The following RNGTT variants were observed in gnomAD, a reference collection of about 807,000 sequenced individuals.
RNGTT encodes the protein RNA guanylyltransferase and 5'-phosphatase.
Under a neutral mutation model 79.3 loss-of-function variants are expected in RNGTT, and 33 were observed. The observed-to-expected ratio is 0.42, with a 90% confidence interval of 0.32 to 0.56. The LOEUF is 0.56. Ranked by LOEUF, RNGTT falls within the 20% of genes least tolerant of loss-of-function variation. RNGTT has a pLI of 0.17. For synonymous variants in RNGTT, 222 were observed against 235.9 expected, an observed-to-expected ratio of 0.94 and a Z score of 0.54; for missense variants, 497 against 739.1, an observed-to-expected ratio of 0.67 and a Z score of 3.80.
rs578246522 is a variant in RNGTT at position 88,726,716 on chromosome 6, G to A, written c.1439+43058C>T. Among the ~76,000 whole-genome samples, 4 of 152,218 alleles carry A rather than the reference G, an allele frequency of 2.6e-5. No individual in the cohort carries two copies. In the East Asian group the frequency reaches 7.7e-4, roughly 29 times the overall value. On this transcript the variant is annotated intron_variant, in intron 13 of 15. Coordinates refer to ENST00000369485, the MANE Select transcript of RNGTT (RefSeq NM_003800.5). ...TAATAATTAGTCTGCTCAAATGTGT[G>A]GCATATTTGCACTCAGCCAAGCCTT...
intron 11 of RNGTT, among the ~76,000 whole-genome samples, chr6:88,827,703 G>C (rs1415079555): frequency 1.3e-5 from 2 of 152,132 alleles, no homozygotes; most frequent in Admixed American, 1.3e-4. Flanking sequence ...GAGCTTGGTG[G>C]GGGGAGGGGC....
intron 14 of RNGTT, among the ~76,000 whole-genome samples, chr6:88,660,389 T>C (rs117937380): frequency 6.6e-6 from 1 of 152,232 alleles, no homozygotes; most frequent in East Asian, 1.9e-4. Flanking sequence ...ACCAACCAAG[T>C]ATCCTATCTG....
intron 4 of RNGTT, 46 bp downstream of exon 4, chr6:88,928,939 C>A: frequency 7.0e-7 from 1 of 1,419,090 alleles, no homozygotes; most frequent in Non-Finnish European, 9.7e-7. Context: ...AGAAACCTAA[C>A]TGCAAAATAA....
At chr6:88,797,891 A>G (rs1779649497) in intron 12 of RNGTT, among the ~76,000 whole-genome samples, 1 of 151,596 alleles carries the variant, frequency 6.6e-6, no homozygotes. Flanking sequence ...TATAAAATAC[A>G]AAACCAAAAA....
At chr6:88,894,041 G>A (rs1783142777) in intron 6 of RNGTT, among the ~76,000 whole-genome samples, 1 of 152,102 alleles carries the variant, frequency 6.6e-6, no homozygotes, top group South Asian at 2.1e-4. Context: ...AAAGCAACCT[G>A]AAAATACCCA....
chr6:88,941,168 G>T lies in RNGTT; in HGVS notation c.77C>A (p.Pro26His). Residue 26 changes from proline (P) to histidine (H), a missense_variant, in exon 2 of 16, where the codon CCT (proline) becomes CAT (histidine). Coordinates refer to ENST00000369485, the MANE Select transcript of RNGTT (RefSeq NM_003800.5). ...TCTTGGTCCTAACATTGTCTTCAGA[G>T]GTAAGAATCTTCCTAAACAACACAG... ...RGQPVAGRFL[P>H]LKTMLGPRYD... is the part of the protein sequence containing the mutation. 6.2e-7 allele frequency: 1 copy of T among 1,600,790 alleles called. No homozygotes were observed. Among genetic ancestry groups the T allele is most frequent in the Non-Finnish European group, 8.5e-7 (1 of 1,170,058 alleles).
At chr6:88,956,913 G>C (rs1785451325) in intron 1 of RNGTT, among the ~76,000 whole-genome samples, 1 of 152,020 alleles carries the variant, frequency 6.6e-6, no homozygotes, top group Non-Finnish European at 1.5e-5. Context: ...GTGGCAGGTA[G>C]TCCCAGCTAC....
At chr6:88,804,143 A>G (rs1301220637) in intron 11 of RNGTT, among the ~76,000 whole-genome samples, 1 of 152,132 alleles carries the variant, frequency 6.6e-6, no homozygotes, top group Non-Finnish European at 1.5e-5. Context: ...TTATTACTCA[A>G]TTTGCCAGAA....
At chr6:88,922,751 G>C (rs1400011492) in intron 4 of RNGTT, among the ~76,000 whole-genome samples, 3 of 152,064 alleles carry the variant, frequency 2.0e-5, no homozygotes, top group Non-Finnish European at 1.5e-5. Flanking sequence ...GGATGGTCTT[G>C]ATCTCCTGAC....
intron 12 of RNGTT, among the ~76,000 whole-genome samples, chr6:88,794,689 G>A (rs1413741659): frequency 6.6e-6 from 1 of 152,164 alleles, no homozygotes; most frequent in Non-Finnish European, 1.5e-5. Flanking sequence ...GAGCTTGTGA[G>A]GGGTAGCTAG....
chr6:88,843,759 T>C lies in RNGTT; in HGVS notation c.1269+598A>G, dbSNP rs1781389710. On this transcript the variant is annotated intron_variant, in intron 11 of 15. Coordinates refer to ENST00000369485, the MANE Select transcript of RNGTT (RefSeq NM_003800.5). ...TTTTTAGTAGAGACGGGTTTCACCA[T>C]ATTGGCCAGGCTGGTCTTGAGTTCC... Among the ~76,000 whole-genome samples, 5 of 151,344 alleles carry C rather than the reference T, an allele frequency of 3.3e-5. No individual in the cohort carries two copies. In the East Asian group the frequency reaches 7.8e-4, roughly 24 times the overall value.
chr6:88,793,592 T>C (rs567078556), intron 12 of RNGTT, among the ~76,000 whole-genome samples: 1 of 152,260 alleles, frequency 6.6e-6, no homozygotes, highest in South Asian at 2.1e-4. Flanking sequence ...TGGCCAGGTG[T>C]GGTGGCTCAT....
chr6:88,821,302 T>C (rs1218973482), intron 11 of RNGTT, among the ~76,000 whole-genome samples: 1 of 152,158 alleles, frequency 6.6e-6, no homozygotes, highest in Non-Finnish European at 1.5e-5. Context: ...TATGTTTCAG[T>C]GTGTGTTATA....
chr6:88,961,994 C>T (rs571431141), intron 1 of RNGTT, among the ~76,000 whole-genome samples: 38 of 152,306 alleles, frequency 2.5e-4, no homozygotes, highest in Non-Finnish European at 4.0e-4. Context: ...ACTATTGATA[C>T]ATGCATAATC....
intron 14 of RNGTT, among the ~76,000 whole-genome samples, chr6:88,628,995 CAT>C (rs3839426): frequency 0.089 from 13,583 of 151,886 alleles, 659 homozygotes; most frequent in Middle Eastern, 0.15. Context: ...AAATAAGAAA[CAT>C]AGGCTGCATG....
At chr6:88,828,104 C>T (rs867828020) in intron 11 of RNGTT, among the ~76,000 whole-genome samples, 38 of 152,282 alleles carry the variant, frequency 2.5e-4, no homozygotes, top group Middle Eastern at 3.4e-3. Flanking sequence ...TGGGAGAGAC[C>T]TCCCAGCAGG....
chr6:88,836,598 C>T (rs952964120), intron 11 of RNGTT, among the ~76,000 whole-genome samples: 1 of 151,870 alleles, frequency 6.6e-6, no homozygotes, highest in Non-Finnish European at 1.5e-5. Context: ...AAAAATTAGC[C>T]GGGCATGATA....
intron 14 of RNGTT, among the ~76,000 whole-genome samples, chr6:88,639,293 G>A (rs1341284978): frequency 6.6e-6 from 1 of 151,790 alleles, no homozygotes; most frequent in Non-Finnish European, 1.5e-5. Flanking sequence ...AATGGTACTG[G>A]GTTACTATTA....
At chr6:88,717,886 C>T (rs148064368) in intron 13 of RNGTT, among the ~76,000 whole-genome samples, 23 of 152,126 alleles carry the variant, frequency 1.5e-4, no homozygotes, top group Non-Finnish European at 2.5e-4. Context: ...AAAAGAAGTC[C>T]CAATCTTCTG....
Sources: gnomAD v4.1 joint callset for allele counts (sites outside exome capture counted in the v4.1 genomes callset) on GRCh38, gnomAD v4.1.1 for gene constraint, MANE v1.5 for transcripts, NCBI Gene and HGNC (gene_info 2026-07-23, HGNC 2026-07-21) for gene names.